The following RAPGEF2 variants were observed in gnomAD, a reference collection of about 807,000 sequenced individuals.
The protein encoded by RAPGEF2 is PDZ domain containing guanine nucleotide exchange factor (GEF) 1.
Under a neutral mutation model 186.7 loss-of-function variants are expected in RAPGEF2, and 54 were observed. That is an observed-to-expected ratio of 0.29 (90% confidence interval 0.23 to 0.36). The LOEUF (loss-of-function observed/expected upper bound fraction) is 0.36, where lower values mean the gene tolerates loss of function less well. RAPGEF2 is among the 10% of genes least tolerant of loss of function. The pLI is 1.00. For missense variants in RAPGEF2, 1,532 were observed against 2,045.0 expected (o/e 0.75, Z 4.84); for synonymous variants, 712 against 705.9 (o/e 1.01, Z -0.14).
chr4:159,332,778 G>A, intron 17 of RAPGEF2, 81 bp downstream of exon 17: 1 of 1,471,784 alleles, frequency 6.8e-7, no homozygotes, highest in South Asian at 1.3e-5. Flanking sequence ...ATTAATGTTT[G>A]CATGAGTCTG....
At chr4:159,321,295 C>T (rs995599591) in intron 9 of RAPGEF2, among the ~76,000 whole-genome samples, 5 of 151,314 alleles carry the variant, frequency 3.3e-5, no homozygotes, top group African/African-American at 1.2e-4. Context: ...TAACCTCAAA[C>T]TCTTGGGCTC....
At chr4:159,170,744 C>CT (rs1745828630) in intron 1 of RAPGEF2, among the ~76,000 whole-genome samples, 1 of 152,014 alleles carries the variant, frequency 6.6e-6, no homozygotes. Flanking sequence ...ATTTTGTTGC[C>CT]TTTACTTTTG....
intron 8 of RAPGEF2, among the ~76,000 whole-genome samples, chr4:159,313,158 A>G (rs998915680): frequency 1.3e-5 from 2 of 149,704 alleles, no homozygotes; most frequent in Non-Finnish European, 2.9e-5. Flanking sequence ...AAAAAAAACA[A>G]AAAGAAAGAA....
At chr4:159,259,923 T>G (rs903234273) in intron 7 of RAPGEF2, among the ~76,000 whole-genome samples, 3 of 152,162 alleles carry the variant, frequency 2.0e-5, no homozygotes, top group African/African-American at 7.2e-5. Context: ...TGGCAACTTT[T>G]AATTTTTAAG....
intron 1 of RAPGEF2, among the ~76,000 whole-genome samples, chr4:159,108,184 A>T (rs905889849): frequency 6.6e-6 from 1 of 152,208 alleles, no homozygotes; most frequent in African/African-American, 2.4e-5. Flanking sequence ...AAAAATATTA[A>T]CATTCCTTGC....
intron 1 of RAPGEF2, among the ~76,000 whole-genome samples, chr4:159,171,555 C>T (rs1024520560): frequency 6.6e-6 from 1 of 152,064 alleles, no homozygotes; most frequent in African/African-American, 2.4e-5. Flanking sequence ...TGGAAAGGTG[C>T]ACTGTGATTA....
intron 1 of RAPGEF2, among the ~76,000 whole-genome samples, chr4:159,174,103 G>A (rs962458255): frequency 3.8e-4 from 58 of 152,290 alleles, no homozygotes; most frequent in African/African-American, 1.3e-3. Flanking sequence ...AACAAAATGA[G>A]TTTTTGGTGA....
intron 1 of RAPGEF2, among the ~76,000 whole-genome samples, chr4:159,155,052 T>A (rs1346331263): frequency 6.6e-6 from 1 of 152,172 alleles, no homozygotes; most frequent in African/African-American, 2.4e-5. Context: ...ATATTTCGAA[T>A]TCAGAACATC....
In RAPGEF2 at chr4:159,252,524, G is replaced by A. The variant is rs1755585563; in HGVS notation, c.543+8733G>A. 2.0e-5 allele frequency among the ~76,000 whole-genome samples: 3 copies of A among 152,220 alleles called. No individual in the cohort carries two copies. The South Asian group carries it at 6.2e-4, about 32-fold the overall frequency. The stretch of plus-strand genomic sequence containing the variant: ...CTTGAGCATCGTTGATATTCTTGAT[G>A]TCATTTACAGTGGGCATTTTTGAGG... On this transcript the variant is annotated intron_variant, in intron 7 of 29. Coordinates refer to ENST00000691494, the MANE Select transcript of RAPGEF2 (RefSeq NM_001394067.2).
chr4:159,128,510 A>T (rs1740632181), intron 1 of RAPGEF2, among the ~76,000 whole-genome samples: 1 of 152,148 alleles, frequency 6.6e-6, no homozygotes. Flanking sequence ...TAAAGATAAT[A>T]GGCTAAGATC....
At chr4:159,251,012 T>C (rs1010959260) in intron 7 of RAPGEF2, among the ~76,000 whole-genome samples, 3 of 152,168 alleles carry the variant, frequency 2.0e-5, no homozygotes, top group Non-Finnish European at 4.4e-5. Context: ...GGCCCTGCAC[T>C]CAGAGTGGCC....
At chr4:159,348,597 T>C (rs1730734346) in intron 25 of RAPGEF2, among the ~76,000 whole-genome samples, 1 of 152,230 alleles carries the variant, frequency 6.6e-6, no homozygotes, top group South Asian at 2.1e-4. Flanking sequence ...GTTTTGAATA[T>C]GCATGCATTC....
At chr4:159,322,577 T>C (rs1042729928) in intron 10 of RAPGEF2, 94 bp downstream of exon 10, 13 of 1,023,456 alleles carry the variant, frequency 1.3e-5, no homozygotes, top group Non-Finnish European at 1.8e-5. Context: ...TTTTCCTTTT[T>C]AATACCCAAC....
rs146650466 is a variant in RAPGEF2 at position 159,178,923 on chromosome 4, C to A, written c.70-7719C>A. ...GACTTGGATAGGTTGTGAACAATCACCCCCCTAAAGTACTTAAAGGATGCT... is the reference window on the plus strand; with the variant it reads ...GACTTGGATAGGTTGTGAACAATCAACCCCCTAAAGTACTTAAAGGATGCT... On this transcript the variant is annotated intron_variant, in intron 1 of 29. Transcript: ENST00000691494. Among the ~76,000 whole-genome samples, 499 of 152,210 alleles carry A rather than the reference C, an allele frequency of 3.3e-3. 6 individuals carry two copies. The highest frequency in any genetic ancestry group is 0.012 in the African/African-American group (482 of 41,530).
chr4:159,275,175 A>G (rs1758691304), intron 7 of RAPGEF2, among the ~76,000 whole-genome samples: 1 of 151,506 alleles, frequency 6.6e-6, no homozygotes. Flanking sequence ...CACTGTCTAT[A>G]TTTCTTTTGT....
intron 3 of RAPGEF2, among the ~76,000 whole-genome samples, chr4:159,202,780 T>G (rs901634681): frequency 2.0e-5 from 3 of 152,132 alleles, no homozygotes; most frequent in African/African-American, 7.2e-5. Flanking sequence ...TTTTGTATTT[T>G]TAGTAGAGAC....
chr4:159,239,040 T>C (rs1753631659), intron 5 of RAPGEF2, among the ~76,000 whole-genome samples, 156 bp downstream of exon 5: 2 of 150,534 alleles, frequency 1.3e-5, no homozygotes, highest in Non-Finnish European at 2.9e-5. Flanking sequence ...TTTATTAATA[T>C]GAATTTGAGT....
At chr4:159,271,817 C>G (rs571124967) in intron 7 of RAPGEF2, among the ~76,000 whole-genome samples, 4 of 152,288 alleles carry the variant, frequency 2.6e-5, no homozygotes, top group South Asian at 4.2e-4. Context: ...ATATCATGAT[C>G]AAAATCATTT....
chr4:159,103,357 C>T lies in RAPGEF2; in HGVS notation c.-806C>T, dbSNP rs1321897564. 6.6e-6 allele frequency: 1 copy of T among 151,438 alleles called. No homozygotes were observed. The highest frequency in any genetic ancestry group is 1.5e-5 in the Non-Finnish European group (1 of 67,664). 9.4% of individuals were successfully genotyped at this position (151,438 alleles called of 1,614,324 possible). A position where few individuals can be genotyped will look rare whatever the true frequency, so the allele number is the denominator to read the frequency against. On this transcript the variant is annotated 5_prime_UTR_variant, in exon 1 of 30. Coordinates refer to ENST00000691494, the MANE Select transcript of RAPGEF2 (RefSeq NM_001394067.2). ...TGCTCTGGCCGCGGCGGCGCCGGCG[C>T]CGGGGCAGCTCCGCTCCGGGCGCGC...
Sources: gnomAD v4.1 joint callset for allele counts (sites outside exome capture counted in the v4.1 genomes callset) on GRCh38, gnomAD v4.1.1 for gene constraint, MANE v1.5 for transcripts, NCBI Gene and HGNC (gene_info 2026-07-23, HGNC 2026-07-21) for gene names.